SNX7: variants seen among roughly 807,000 people sequenced by gnomAD.
SNX7 encodes sorting nexin 7.
Under a neutral mutation model 48.4 loss-of-function variants are expected in SNX7, and 35 were observed. The ratio of observed to expected loss-of-function variants is 0.72; its 90% CI spans 0.55 to 0.96. SNX7 has a LOEUF of 0.96. Among genes scored for constraint, SNX7 ranks in the 40% least tolerant of loss-of-function variants. SNX7 has a pLI of 0.00. For synonymous variants in SNX7, 190 were observed against 190.2 expected (o/e 1.00, Z 0.01); for missense variants, 553 against 548.9 (o/e 1.01, Z -0.07).
At chr1:98,741,754 CTT>C in intron 8 of SNX7, among the ~76,000 whole-genome samples, 1 of 152,046 alleles carries the variant, frequency 6.6e-6, no homozygotes, top group Middle Eastern at 3.4e-3. Flanking sequence ...TATTTCCTAA[CTT>C]TTTTCTTGAA....
intron 8 of SNX7, among the ~76,000 whole-genome samples, chr1:98,739,150 C>A (rs1447891203): frequency 6.6e-6 from 1 of 152,038 alleles, no homozygotes; most frequent in Non-Finnish European, 1.5e-5. Flanking sequence ...ATAAGGAGCA[C>A]GCAACTTAGA....
At chr1:98,734,186 G>A (rs12739340) in intron 7 of SNX7, among the ~76,000 whole-genome samples, 39,914 of 151,692 alleles carry the variant, frequency 0.26, 5,534 homozygotes, top group Middle Eastern at 0.31. Flanking sequence ...AAGTCAAAAT[G>A]TCCCCTACCC....
chr1:98,663,200 A>C (rs1443596732), intron 1 of SNX7, among the ~76,000 whole-genome samples: 1 of 142,432 alleles, frequency 7.0e-6, no homozygotes, highest in Non-Finnish European at 1.5e-5. Context: ...AAACTTTGGG[A>C]TGGGATGTTG....
intron 7 of SNX7, among the ~76,000 whole-genome samples, chr1:98,716,500 C>T (rs1652598494): frequency 6.6e-6 from 1 of 152,148 alleles, no homozygotes; most frequent in South Asian, 2.1e-4. Flanking sequence ...TTTATAGTTG[C>T]TCTCAAATGC....
intron 8 of SNX7, among the ~76,000 whole-genome samples, chr1:98,740,062 G>T (rs1034491069): frequency 2.0e-5 from 3 of 152,116 alleles, no homozygotes; most frequent in East Asian, 3.9e-4. Context: ...TTATGGAACA[G>T]ATCCATGGTT....
chr1:98,727,836 CAAAAAGAATG>C (rs887414212), intron 7 of SNX7, among the ~76,000 whole-genome samples: 1 of 151,430 alleles, frequency 6.6e-6, no homozygotes, highest in African/African-American at 2.4e-5. Flanking sequence ...AATATTAGAG[CAAAAAGAATG>C]AAAAAGAATG....
intron 1 of SNX7, among the ~76,000 whole-genome samples, chr1:98,665,808 T>C (rs956715774): frequency 1.3e-5 from 2 of 152,156 alleles, no homozygotes; most frequent in African/African-American, 4.8e-5. Context: ...CAGGCTGGTC[T>C]CAAACTCCTG....
chr1:98,734,151 T>A (rs966950513), intron 7 of SNX7, among the ~76,000 whole-genome samples: 2 of 152,130 alleles, frequency 1.3e-5, no homozygotes, highest in African/African-American at 4.8e-5. Context: ...TGTTTCATTG[T>A]CCCAGTCACT....
At chr1:98,729,297 T>A (rs1008251056) in intron 7 of SNX7, among the ~76,000 whole-genome samples, 1 of 152,102 alleles carries the variant, frequency 6.6e-6, no homozygotes, top group Admixed American at 6.6e-5. Flanking sequence ...AGAGGGAAGT[T>A]TATAGCACTA....
In SNX7 at chr1:98,737,981, A is replaced by G. The variant is rs558355588; in HGVS notation, c.1126-256A>G. 1.4e-4 allele frequency among the ~76,000 whole-genome samples: 22 copies of G among 152,342 alleles called. No homozygotes were observed. The South Asian group carries it at 4.6e-3, about 32-fold the overall frequency. ...TTTATAAATAGTGAAACTGAAGCCC[A>G]GGATTTGAGAGACTTAGCCAAGGCC... On this transcript the variant is annotated intron_variant, in intron 7 of 8. Coordinates refer to ENST00000306121, the MANE Select transcript of SNX7 (RefSeq NM_015976.5).
intron 7 of SNX7, among the ~76,000 whole-genome samples, chr1:98,725,717 T>C (rs1471459005): frequency 1.3e-5 from 2 of 152,138 alleles, no homozygotes; most frequent in African/African-American, 4.8e-5. Flanking sequence ...TGTCTTAGGG[T>C]ATTTACATTC....
intron 1 of SNX7, among the ~76,000 whole-genome samples, chr1:98,680,667 A>T (rs567483324): frequency 3.3e-5 from 5 of 152,232 alleles, no homozygotes; most frequent in African/African-American, 1.2e-4. Flanking sequence ...TTAAAGTTCC[A>T]CAAATCTCTA....
At chr1:98,748,843 C>T (rs1557838203) in intron 8 of SNX7, among the ~76,000 whole-genome samples, 1 of 152,110 alleles carries the variant, frequency 6.6e-6, no homozygotes, top group African/African-American at 2.4e-5. Context: ...CCCCATATCC[C>T]ATTCACATAC....
chr1:98,669,218 C>G lies in SNX7; in HGVS notation c.180+7307C>G, dbSNP rs187612866. Among the ~76,000 whole-genome samples, 117 of 152,324 alleles carry G rather than the reference C, an allele frequency of 7.7e-4. 1 individual carries two copies. Among genetic ancestry groups the G allele is most frequent in the Non-Finnish European group, 1.4e-3 (93 of 68,032 alleles). On this transcript the variant is annotated intron_variant, in intron 1 of 8. Coordinates refer to ENST00000306121, the MANE Select transcript of SNX7 (RefSeq NM_015976.5). Reference sequence around the variant, plus strand: ...CTTCTAATCATCCCTCTCATGCACTCTCCATGTCTGTTCATATATCTGAAT... The same window carrying G: ...CTTCTAATCATCCCTCTCATGCACTGTCCATGTCTGTTCATATATCTGAAT...
intron 8 of SNX7, among the ~76,000 whole-genome samples, chr1:98,749,004 G>A (rs573623644): frequency 1.6e-4 from 25 of 152,216 alleles, no homozygotes; most frequent in Non-Finnish European, 2.5e-4. Context: ...TACTTTCAGC[G>A]TATGCTAACA....
intron 7 of SNX7, among the ~76,000 whole-genome samples, chr1:98,715,445 T>G (rs1002383849): frequency 5.9e-5 from 9 of 152,214 alleles, no homozygotes; most frequent in African/African-American, 2.2e-4. Context: ...GCTTCTCCAC[T>G]ATAAAAGTCA....
intron 6 of SNX7, among the ~76,000 whole-genome samples, chr1:98,701,141 G>T (rs1322436492): frequency 1.3e-5 from 2 of 152,100 alleles, no homozygotes; most frequent in Non-Finnish European, 2.9e-5. Flanking sequence ...GAAAGATGTA[G>T]TTGAATTCTG....
chr1:98,704,080 A>G (rs565258340), intron 7 of SNX7, among the ~76,000 whole-genome samples: 2 of 152,270 alleles, frequency 1.3e-5, no homozygotes, highest in East Asian at 1.9e-4. Flanking sequence ...GTTAAAAAAA[A>G]AAAACACATT....
Position 98,691,494 on chromosome 1 carries a change from CTAA to C in SNX7, c.475-35_475-33del. 2.0e-6 allele frequency: 3 copies of C among 1,489,066 alleles called. No individual in the cohort carries two copies. The South Asian group carries it at 4.1e-5, about 20-fold the overall frequency. 92.2% of individuals were successfully genotyped at this position (1,489,066 alleles called of 1,614,324 possible). A position where few individuals can be genotyped will look rare whatever the true frequency, so the allele number is the denominator to read the frequency against. The stretch of plus-strand genomic sequence containing the variant: ...CGTAGAATTGCTTATAAACCTATGG[CTAA>C]TAATACTTGAATACCTTTTTAATTT... On this transcript the variant is annotated intron_variant, in intron 3 of 8. Transcript: ENST00000306121.
Sources: allele counts gnomAD v4.1 joint callset (sites outside exome capture counted in the v4.1 genomes callset), GRCh38; gene constraint gnomAD v4.1.1; transcripts MANE v1.5; gene names NCBI Gene and HGNC (gene_info 2026-07-23, HGNC 2026-07-21).